ANKRD11: variants seen among roughly 807,000 people sequenced by gnomAD.
The protein encoded by ANKRD11 is ankyrin repeat domain 11, also known as ankyrin repeat domain-containing protein 11.
ANKRD11 carries 17 observed loss-of-function variants against 195.7 expected under a neutral mutation model. That is an observed-to-expected ratio of 0.09 (90% CI 0.06 to 0.13). The LOEUF (loss-of-function observed/expected upper bound fraction) is 0.13, where lower values mean the gene tolerates loss of function less well. ANKRD11 is among the 10% of genes least tolerant of loss of function. The pLI, the probability that ANKRD11 is intolerant of heterozygous loss-of-function variation, is 1.00. For synonymous variants in ANKRD11, 1,953 were observed against 1,528.1 expected (o/e 1.28, Z -6.49); for missense variants, 3,735 against 3,566.1 (o/e 1.05, Z -1.21).
intron 2 of ANKRD11, among the ~76,000 whole-genome samples, chr16:89,415,208 C>G (rs2042246068): frequency 6.6e-6 from 1 of 151,124 alleles, no homozygotes; most frequent in Non-Finnish European, 1.5e-5. Context: ...CCCACCCCTT[C>G]CTCCCAAAGT....
At position 89,284,405 on chromosome 16, in the gene ANKRD11, T is replaced by C; in HGVS notation, c.2137A>G (p.Lys713Glu). The C allele has an allele frequency of 1.9e-6, 3 of 1,613,770 alleles. No homozygotes were observed. The highest frequency in any genetic ancestry group is 2.5e-6 in the Non-Finnish European group (3 of 1,180,000). Residue 713 changes from lysine to glutamate, a missense_variant, in exon 9 of 13, where the codon AAA becomes GAA. Physicochemically the swap from Lys to Glu is moderately conservative, Grantham distance 56. Transcript: ENST00000301030. The stretch of plus-strand genomic sequence containing the variant: ...ATTCTCTTCAGTGATTTTTCATCTT[T>C]AAAGAGCCATTCTTTTTCTTCTAAT... ...MKLEEKEWLF[K>E]DEKSLKRIKD...
chr16:89,419,619 G>A (rs907700892), intron 1 of ANKRD11, among the ~76,000 whole-genome samples: 7 of 152,026 alleles, frequency 4.6e-5, no homozygotes, highest in South Asian at 2.1e-4. Context: ...AAACACTTCC[G>A]TGTGCAGAAC....
At chr16:89,483,612 T>A (rs2057512686) in intron 1 of ANKRD11, among the ~76,000 whole-genome samples, 1 of 152,214 alleles carries the variant, frequency 6.6e-6, no homozygotes, top group African/African-American at 2.4e-5. Context: ...GCAGATCACC[T>A]GAGGTCGGGA....
intron 1 of ANKRD11, among the ~76,000 whole-genome samples, chr16:89,450,636 A>C (rs972362174): frequency 6.6e-6 from 1 of 151,814 alleles, no homozygotes. Flanking sequence ...ACATTCCTAA[A>C]CTCCTACTTT....
intron 1 of ANKRD11, among the ~76,000 whole-genome samples, chr16:89,460,233 G>A (rs139520253): frequency 2.6e-5 from 4 of 152,060 alleles, no homozygotes; most frequent in South Asian, 2.1e-4. Context: ...CTAAGACACC[G>A]TCTCAAAAAC....
chr16:89,288,399 G>T, intron 7 of ANKRD11, 129 bp downstream of exon 7: 1 of 1,430,796 alleles, frequency 7.0e-7, no homozygotes, highest in Non-Finnish European at 9.6e-7. Flanking sequence ...GGCCTTGAGG[G>T]TGGGCAAGGC....
intron 4 of ANKRD11, among the ~76,000 whole-genome samples, chr16:89,294,672 T>C (rs1218051849): frequency 1.3e-5 from 2 of 152,130 alleles, no homozygotes; most frequent in Non-Finnish European, 2.9e-5. Flanking sequence ...AGCGACACCA[T>C]GGTCTGAGAG....
At chr16:89,314,850 C>T (rs1037835194) in intron 3 of ANKRD11, among the ~76,000 whole-genome samples, 2 of 152,154 alleles carry the variant, frequency 1.3e-5, no homozygotes, top group Non-Finnish European at 2.9e-5. Context: ...CTAAAACCTG[C>T]GGGCACAGAG....
At chr16:89,305,126 CG>C in intron 4 of ANKRD11, 79 bp downstream of exon 4, 1 of 1,566,720 alleles carries the variant, frequency 6.4e-7, no homozygotes, top group Non-Finnish European at 8.6e-7. Flanking sequence ...GCCGGAGGTG[CG>C]GGGGCCAGGG....
intron 2 of ANKRD11, among the ~76,000 whole-genome samples, chr16:89,409,829 AATTT>A (rs1262220424): frequency 6.6e-6 from 1 of 151,396 alleles, no homozygotes; most frequent in African/African-American, 2.4e-5. Context: ...TTTCAATCTA[AATTT>A]ATTTATTTAT....
chr16:89,345,149 A>AT (rs2038877435), intron 2 of ANKRD11, among the ~76,000 whole-genome samples: 1 of 152,174 alleles, frequency 6.6e-6, no homozygotes, highest in African/African-American at 2.4e-5. Flanking sequence ...GAAATGGAAA[A>AT]GGCAAACTCC....
chr16:89,317,224 G>T lies in ANKRD11; in HGVS notation c.-59-146C>A, dbSNP rs977764347. The T allele has an allele frequency of 4.5e-6, 3 of 673,954 alleles. No individual in the cohort carries two copies. In the African/African-American group the frequency reaches 5.3e-5, roughly 12 times the overall value. The allele number at this position is 673,954 out of a possible 1,614,324, so 41.7% of individuals were successfully genotyped here. A position where few individuals can be genotyped will look rare whatever the true frequency, so the allele number is the denominator to read the frequency against. On this transcript the variant is annotated intron_variant, in intron 2 of 12. Coordinates refer to ENST00000301030, the MANE Select transcript of ANKRD11 (RefSeq NM_013275.6). Reference sequence around the variant, plus strand: ...TGGGGCCCGGGCCAGGCCCAGGAAGGGACTTCTCAGGATACGCCTCCCATA... The same window carrying T: ...TGGGGCCCGGGCCAGGCCCAGGAAGTGACTTCTCAGGATACGCCTCCCATA...
chr16:89,321,906 G>C (rs1167109737), intron 2 of ANKRD11, among the ~76,000 whole-genome samples: 1 of 152,158 alleles, frequency 6.6e-6, no homozygotes, highest in Non-Finnish European at 1.5e-5. Flanking sequence ...TGAAAACCCG[G>C]AGGACGAAAG....
At chr16:89,425,866 T>A (rs934513344) in intron 1 of ANKRD11, among the ~76,000 whole-genome samples, 4 of 152,188 alleles carry the variant, frequency 2.6e-5, no homozygotes, top group East Asian at 3.9e-4. Context: ...GTGCAAATGT[T>A]TCTTTTTACT....
At chr16:89,335,962 C>A (rs2038331855) in intron 2 of ANKRD11, among the ~76,000 whole-genome samples, 1 of 152,264 alleles carries the variant, frequency 6.6e-6, no homozygotes, top group Non-Finnish European at 1.5e-5. Context: ...GTGCAACATG[C>A]TTCAAGATGC....
At chr16:89,323,054 G>A (rs1401351697) in intron 2 of ANKRD11, 3 of 298,654 alleles carry the variant, frequency 1.0e-5, no homozygotes, top group East Asian at 1.2e-4. Context: ...TGCTTCCGAG[G>A]CTGGTGTCTG....
intron 2 of ANKRD11, chr16:89,395,872 C>G (rs766685166): frequency 6.6e-6 from 1 of 152,210 alleles, no homozygotes; most frequent in Non-Finnish European, 1.5e-5. Flanking sequence ...ACTGTTTCAA[C>G]GCACTACGTC....
intron 3 of ANKRD11, among the ~76,000 whole-genome samples, chr16:89,311,173 A>G (rs1204853785): frequency 6.6e-6 from 1 of 152,246 alleles, no homozygotes; most frequent in African/African-American, 2.4e-5. Flanking sequence ...TTTCAGTCTT[A>G]TAACAACTTG....
intron 1 of ANKRD11, among the ~76,000 whole-genome samples, chr16:89,428,059 T>A (rs1448580595): frequency 6.7e-6 from 1 of 149,112 alleles, no homozygotes; most frequent in African/African-American, 2.5e-5. Context: ...AATACAAAAA[T>A]TAGCCAGACA....
Sources: allele counts gnomAD v4.1 joint callset (sites outside exome capture counted in the v4.1 genomes callset), GRCh38; gene constraint gnomAD v4.1.1; transcripts MANE v1.5; gene names NCBI Gene and HGNC (gene_info 2026-07-23, HGNC 2026-07-21).